Variants in LGMN observed in about 807,000 individuals in gnomAD.
LGMN encodes the protein legumain.
Under a neutral mutation model 56.8 loss-of-function variants are expected in LGMN, and 36 were observed. The observed-to-expected ratio is 0.63, with a 90% CI of 0.49 to 0.84. The LOEUF is 0.84. Among genes scored for constraint, LGMN ranks in the 40% least tolerant of loss-of-function variants. The probability of loss-of-function intolerance (pLI) is 0.00; values close to 1 mark genes in which losing one functional copy is unlikely to be tolerated. For synonymous variants in LGMN, 199 were observed against 210.1 expected (o/e 0.95, Z 0.46); for missense variants, 446 against 556.1 (o/e 0.80, Z 1.99).
At chr14:92,719,267 C>CCG (rs1403424516) in intron 2 of LGMN, among the ~76,000 whole-genome samples, 6 of 29,818 alleles carry the variant, frequency 2.0e-4, no homozygotes, top group African/African-American at 6.4e-4. Context: ...ACCGCCACCG[C>CCG]CGCCGCCGCC....
intron 1 of LGMN, among the ~76,000 whole-genome samples, chr14:92,738,982 G>T (rs184980594): frequency 4.7e-5 from 7 of 148,492 alleles, no homozygotes; most frequent in African/African-American, 1.7e-4. Context: ...TCGCACCACT[G>T]CACTCCAGCC....
At chr14:92,738,130 A>T (rs951753969) in intron 1 of LGMN, among the ~76,000 whole-genome samples, 2 of 152,230 alleles carry the variant, frequency 1.3e-5, no homozygotes, top group Non-Finnish European at 2.9e-5. Context: ...CAGAACGGAC[A>T]CCACCTACTT....
At chr14:92,727,133 T>C (rs931096602) in intron 2 of LGMN, among the ~76,000 whole-genome samples, 1 of 151,710 alleles carries the variant, frequency 6.6e-6, no homozygotes, top group Non-Finnish European at 1.5e-5. Flanking sequence ...GATGACAGAG[T>C]AGCAAGATGA....
chr14:92,737,224 G>A (rs1891348942), intron 1 of LGMN, among the ~76,000 whole-genome samples: 1 of 152,072 alleles, frequency 6.6e-6, no homozygotes, highest in African/African-American at 2.4e-5. Context: ...AATTATTTTT[G>A]TCTCTCCTTT....
chr14:92,727,657 G>A (rs1218956625), intron 2 of LGMN, among the ~76,000 whole-genome samples: 2 of 152,000 alleles, frequency 1.3e-5, no homozygotes, highest in African/African-American at 2.4e-5. Flanking sequence ...TGGAAATCCC[G>A]TCATCCTTCA....
intron 3 of LGMN, 97 bp from the exon 4 acceptor site, chr14:92,717,558 C>A (rs1890133166): frequency 2.3e-6 from 2 of 888,000 alleles, no homozygotes; most frequent in Non-Finnish European, 3.7e-6. Context: ...TAGTAAACGT[C>A]TATGTTGGTC....
At position 92,727,201 on chromosome 14, in the gene LGMN, G is replaced by A. The variant is rs537515195; in HGVS notation, c.138+5448C>T. ...ATCGCAGCACTTTGGGAGCTGAGGC[G>A]GGCAGATCACTTGAAGCCAGGAGTT... On this transcript the variant is annotated intron_variant, in intron 2 of 13. Transcript: ENST00000334869. 4.2e-4 allele frequency among the ~76,000 whole-genome samples: 64 copies of A among 151,270 alleles called. No individual in the cohort carries two copies. In the East Asian group the frequency reaches 0.011, roughly 27 times the overall value.
At chr14:92,708,742 AG>A (rs1646215158) in intron 11 of LGMN, among the ~76,000 whole-genome samples, 1 of 151,246 alleles carries the variant, frequency 6.6e-6, no homozygotes, top group Admixed American at 6.6e-5. Context: ...CTGTAATCCC[AG>A]CTACTTGGGA....
rs377058596 is a variant in LGMN, at chr14:92,729,548, C to G, written c.138+3101G>C. On this transcript the variant is annotated intron_variant, in intron 2 of 13. Transcript: ENST00000334869. ...GAAATCCAATTTGGTCAAGACAAAA[C>G]AAGGTTTAATTAACAAGTATAACAC... Among the ~76,000 whole-genome samples the G allele has an allele frequency of 9.8e-5, 13 of 132,308 alleles. No homozygotes were observed. In the Admixed American group the frequency reaches 1.2e-3, roughly 13 times the overall value. The allele number at this position is 132,308 out of a possible 152,430, so 86.8% of individuals were successfully genotyped here. A position where few individuals can be genotyped will look rare whatever the true frequency, so the allele number is the denominator to read the frequency against.
chr14:92,744,989 G>A lies in LGMN; in HGVS notation c.-30+3500C>T, dbSNP rs117835469. 9.5e-4 allele frequency among the ~76,000 whole-genome samples: 144 copies of A among 152,182 alleles called. 5 individuals carry two copies. The East Asian group carries it at 0.025, about 26-fold the overall frequency. On this transcript the variant is annotated intron_variant, in intron 1 of 13. Transcript: ENST00000334869. ...TAATCTATTAATGGTTAGAACTTAG[G>A]TTTCTAGGAAAGGAAATTTGGGTCA...
chr14:92,719,332 A>ACCACCG (rs1566924714), intron 2 of LGMN, among the ~76,000 whole-genome samples: 1 of 83,388 alleles, frequency 1.2e-5, no homozygotes, highest in Non-Finnish European at 2.3e-5. Context: ...CGCCACCGCC[A>ACCACCG]CCGCCATCAC....
chr14:92,736,271 C>G, intron 1 of LGMN, among the ~76,000 whole-genome samples: 1 of 152,114 alleles, frequency 6.6e-6, no homozygotes, highest in East Asian at 1.9e-4. Context: ...GAACTGCTGT[C>G]TTTCACAAGA....
Position 92,737,052 on chromosome 14 carries a change from T to TC in LGMN, c.-29-4238dup, listed in dbSNP as rs1050530734. On this transcript the variant is annotated intron_variant, in intron 1 of 13. Coordinates refer to ENST00000334869, the MANE Select transcript of LGMN (RefSeq NM_005606.7). ...ACCCAGCAGCCTCCCTGGAAAGCCT[T>TC]CCCCTAGGGTAGGGGTAGGCTAACT... Among the ~76,000 whole-genome samples, 15 of 152,220 alleles carry TC rather than the reference T, an allele frequency of 9.9e-5. No homozygotes were observed. The East Asian group carries it at 2.3e-3, about 24-fold the overall frequency.
chr14:92,730,264 T>C (rs920728553), intron 2 of LGMN, among the ~76,000 whole-genome samples: 2 of 152,214 alleles, frequency 1.3e-5, no homozygotes, highest in Non-Finnish European at 2.9e-5. Context: ...GGGATCATTT[T>C]GCCATGATAA....
intron 2 of LGMN, among the ~76,000 whole-genome samples, chr14:92,725,969 G>A (rs1331855974): frequency 6.6e-6 from 1 of 151,910 alleles, no homozygotes; most frequent in African/African-American, 2.4e-5. Flanking sequence ...GGGCACAGTG[G>A]CTCATACCTG....
At chr14:92,713,954 A>G (rs1889932229) in intron 6 of LGMN, 69 bp from the exon 7 acceptor site, 1 of 1,126,826 alleles carries the variant, frequency 8.9e-7, no homozygotes, top group Non-Finnish European at 1.4e-6. Context: ...CCACTAGTAA[A>G]GTTCTGATGA....
chr14:92,744,490 C>T (rs1566939377), intron 1 of LGMN, among the ~76,000 whole-genome samples: 5 of 151,970 alleles, frequency 3.3e-5, no homozygotes, highest in Admixed American at 2.6e-4. Flanking sequence ...ACTTTGCAGT[C>T]TCCAATACCT....
At chr14:92,719,155 AC>A (rs1566923574) in intron 2 of LGMN, among the ~76,000 whole-genome samples, 20 of 78,014 alleles carry the variant, frequency 2.6e-4, no homozygotes, top group African/African-American at 1.4e-3. Flanking sequence ...CACCACCGCC[AC>A]TGCCACCACC....
chr14:92,712,773 C>T (rs1380438084), intron 8 of LGMN, 32 bp downstream of exon 8: 1 of 1,607,070 alleles, frequency 6.2e-7, no homozygotes, highest in Non-Finnish European at 8.5e-7. Context: ...TGCTTGCCAG[C>T]CCAGGTCGAG....
Sources: gnomAD v4.1 joint callset for allele counts (sites outside exome capture counted in the v4.1 genomes callset) on GRCh38, gnomAD v4.1.1 for gene constraint, MANE v1.5 for transcripts, NCBI Gene and HGNC (gene_info 2026-07-23, HGNC 2026-07-21) for gene names.